Variants in PBRM1 observed in about 807,000 individuals in gnomAD.
The protein encoded by PBRM1 is polybromo 1.
In PBRM1, 27 loss-of-function variants were observed where a neutral mutation model predicts 194.5. The ratio of observed to expected loss-of-function variants is 0.14; its 90% confidence interval spans 0.10 to 0.19. PBRM1 has a LOEUF of 0.19. PBRM1 is among the 10% of genes least tolerant of loss of function. PBRM1 has a pLI of 1.00. For missense variants in PBRM1, 1,466 were observed against 2,077.2 expected, an observed-to-expected ratio of 0.71 and a Z score of 5.72; for synonymous variants, 655 against 693.2, an observed-to-expected ratio of 0.94 and a Z score of 0.87.
chr3:52,576,611 T>A, exon 22 of PBRM1: 1 of 1,610,510 alleles, frequency 6.2e-7, no homozygotes. Context: ...AGAACATTTT[T>A]GTGGGCTCAT....
At chr3:52,619,906 A>C (rs545312629) in intron 13 of PBRM1, among the ~76,000 whole-genome samples, 1 of 152,332 alleles carries the variant, frequency 6.6e-6, no homozygotes, top group African/African-American at 2.4e-5. Flanking sequence ...TTCCTGCTAG[A>C]GTTGGGATCA....
In PBRM1 at chr3:52,609,187, G is replaced by C; in HGVS notation, c.2567+126C>G. On this transcript the variant is annotated intron_variant, in intron 16 of 29. Coordinates refer to ENST00000296302, the Ensembl canonical transcript of PBRM1. This position sits in a 1 kb window ranked among gnomAD's most constrained non-coding sequence, Gnocchi z 4.1. The stretch of plus-strand genomic sequence containing the variant: ...AGAAGTTCTGGCTGATTAGAATTCA[G>C]AATAGCATGCTACCAACTACAAATC... 1.3e-6 allele frequency: 1 copy of C among 753,512 alleles called. No homozygotes were observed. The highest frequency in any genetic ancestry group is 1.8e-5 in the South Asian group (1 of 54,150). 46.7% of individuals were successfully genotyped at this position (753,512 alleles called of 1,614,324 possible). A position where few individuals can be genotyped will look rare whatever the true frequency, so the allele number is the denominator to read the frequency against.
chr3:52,662,866 T>A (rs2096754273), intron 3 of PBRM1, among the ~76,000 whole-genome samples: 1 of 150,672 alleles, frequency 6.6e-6, no homozygotes, highest in African/African-American at 2.4e-5. Flanking sequence ...AAAAAACTAA[T>A]TATTACTAAT....
Position 52,603,509 on chromosome 3 carries a change from A to G in PBRM1, c.2779+12T>C, listed in dbSNP as rs746076850. On this transcript the variant is annotated intron_variant, in intron 17 of 29. Coordinates refer to ENST00000296302, the Ensembl canonical transcript of PBRM1. ...CATTTTTTCATATTCAATAAAATGA[A>G]AAGAAACCAACCTCTTTTTTCTTCT... 2 of 1,589,988 alleles carry G rather than the reference A, an allele frequency of 1.3e-6. No homozygotes were observed. Among genetic ancestry groups the G allele is most frequent in the African/African-American group, 2.7e-5 (2 of 74,308 alleles).
intron 17 of PBRM1, among the ~76,000 whole-genome samples, chr3:52,593,893 C>A (rs2093335435): frequency 6.6e-6 from 1 of 152,128 alleles, no homozygotes; most frequent in Non-Finnish European, 1.5e-5. Flanking sequence ...GAGAAGAATG[C>A]ATATTCTGTT....
At chr3:52,578,101 A>G (rs1393755959) in intron 21 of PBRM1, among the ~76,000 whole-genome samples, 1 of 152,038 alleles carries the variant, frequency 6.6e-6, no homozygotes, top group East Asian at 1.9e-4. Context: ...GGATATTCAC[A>G]TTATTCACTT....
chr3:52,581,281 A>G (rs1412410125), intron 20 of PBRM1, among the ~76,000 whole-genome samples: 1 of 152,162 alleles, frequency 6.6e-6, no homozygotes, highest in Non-Finnish European at 1.5e-5. Context: ...AGGCCAAGGC[A>G]GGCGGATCAC....
At chr3:52,651,832 A>G (rs202161384) in intron 5 of PBRM1, 22 bp from the exon 7 acceptor site, 11 of 1,509,074 alleles carry the variant, frequency 7.3e-6, no homozygotes, top group Non-Finnish European at 1.0e-5. Context: ...AAAACCAGGC[A>G]TGCTCAATAA....
chr3:52,682,673 C>T (rs1485244799), upstream of PBRM1, among the ~76,000 whole-genome samples: 1 of 152,164 alleles, frequency 6.6e-6, no homozygotes, highest in Non-Finnish European at 1.5e-5. Context: ...ACCTTTGCTC[C>T]TAAGACCAGA....
chr3:52,664,084 C>T (rs907098904), intron 3 of PBRM1, among the ~76,000 whole-genome samples: 65 of 146,558 alleles, frequency 4.4e-4, no homozygotes, highest in Non-Finnish European at 8.4e-4. Flanking sequence ...AAGTTGGGCA[C>T]GGTGGCGCAC....
At chr3:52,562,852 A>T (rs1229895661) in intron 24 of PBRM1, among the ~76,000 whole-genome samples, 2 of 152,088 alleles carry the variant, frequency 1.3e-5, no homozygotes, top group Admixed American at 1.3e-4. Flanking sequence ...AGTCTTGTAA[A>T]AATTCTGAAT....
intron 17 of PBRM1, among the ~76,000 whole-genome samples, chr3:52,590,366 G>A (rs567470260): frequency 2.6e-4 from 40 of 151,922 alleles, no homozygotes; most frequent in African/African-American, 9.4e-4. Flanking sequence ...TGAGACAGAA[G>A]AATCGCTTAA....
At chr3:52,636,842 G>C (rs544994824) in intron 10 of PBRM1, among the ~76,000 whole-genome samples, 9 of 130,740 alleles carry the variant, frequency 6.9e-5, no homozygotes, top group Admixed American at 4.4e-4. Flanking sequence ...CTGGGCGACA[G>C]AGTGAGACTC....
chr3:52,684,019 T>G (rs541504633), upstream of PBRM1, among the ~76,000 whole-genome samples: 6 of 151,828 alleles, frequency 4.0e-5, no homozygotes, highest in Non-Finnish European at 8.8e-5. Flanking sequence ...AAAATTAAAA[T>G]TAGCTGGGTG....
chr3:52,576,384 C>A (rs537101493), intron 22 of PBRM1, among the ~76,000 whole-genome samples, 157 bp downstream of exon 24: 1 of 151,938 alleles, frequency 6.6e-6, no homozygotes, highest in African/African-American at 2.4e-5. Flanking sequence ...TTTAATTTAT[C>A]GACTGACTCC....
chr3:52,586,017 C>A (rs2092328002), intron 20 of PBRM1: 1 of 158,464 alleles, frequency 6.3e-6, no homozygotes, highest in Non-Finnish European at 1.4e-5. Context: ...CTCACTGCAG[C>A]CTCCGCCTCC....
At chr3:52,645,180 A>C (rs543197645) in intron 7 of PBRM1, among the ~76,000 whole-genome samples, 18 of 152,326 alleles carry the variant, frequency 1.2e-4, no homozygotes, top group Non-Finnish European at 2.4e-4. Context: ...CCACAAATGT[A>C]ATTCCTTTTC....
At chr3:52,637,036 G>C (rs184148717) in intron 10 of PBRM1, among the ~76,000 whole-genome samples, 65 of 152,184 alleles carry the variant, frequency 4.3e-4, no homozygotes, top group African/African-American at 1.4e-3. Context: ...AAGGGGATTA[G>C]GAACCAGAGT....
intron 11 of PBRM1, among the ~76,000 whole-genome samples, chr3:52,630,378 TA>T (rs1292459255): frequency 1.5e-4 from 23 of 152,284 alleles, no homozygotes; most frequent in African/African-American, 5.3e-4. Context: ...TACAATATAG[TA>T]GCCACTAGCC....
Sources: gnomAD v4.1 joint callset for allele counts (sites outside exome capture counted in the v4.1 genomes callset) on GRCh38, gnomAD v4.1.1 for gene constraint, Gnocchi (gnomAD v3.1) non-coding constraint, MANE v1.5 for transcripts, NCBI Gene and HGNC (gene_info 2026-07-23, HGNC 2026-07-21) for gene names.